PLEKHF1: variants seen among roughly 807,000 people sequenced by gnomAD.
PLEKHF1 encodes pleckstrin homology domain-containing family F member 1.
A neutral mutation model predicts 4.1 loss-of-function variants in PLEKHF1; 1 was observed. That is an observed-to-expected ratio of 0.24 (90% CI 0.09 to 1.15). The LOEUF (loss-of-function observed/expected upper bound fraction) is 1.15. Ranked by LOEUF, PLEKHF1 falls within the 50% of genes most tolerant of loss-of-function variation. PLEKHF1 has a pLI of 0.52. For synonymous variants in PLEKHF1, 182 were observed against 178.5 expected, an observed-to-expected ratio of 1.02 and a Z score of -0.16; for missense variants, 429 against 400.6, an observed-to-expected ratio of 1.07 and a Z score of -0.60.
chr19:29,668,625 C>T (rs913709215), intron 1 of PLEKHF1, among the ~76,000 whole-genome samples: 3 of 150,938 alleles, frequency 2.0e-5, no homozygotes, highest in South Asian at 2.1e-4. Context: ...GAGGCTGAGG[C>T]GGGAGGCTTT....
At chr19:29,670,051 C>T (rs1655187982) in intron 1 of PLEKHF1, among the ~76,000 whole-genome samples, 1 of 152,168 alleles carries the variant, frequency 6.6e-6, no homozygotes, top group Admixed American at 6.5e-5. Flanking sequence ...CCTGCCTCAG[C>T]CTCCTCAGTA....
Position 29,674,747 on chromosome 19 carries a change from A to G in PLEKHF1, c.*68A>G. 6.7e-7 allele frequency: 1 copy of G among 1,503,482 alleles called. No individual in the cohort carries two copies. The highest frequency in any genetic ancestry group is 8.9e-7 in the Non-Finnish European group (1 of 1,126,780). 93.1% of individuals were successfully genotyped at this position (1,503,482 alleles called of 1,614,324 possible). ...CCCAGGCCCCCAAGAGGGCAGCTCC[A>G]GAAGCTGCCCAGGGCTCCGGGACCC... is the stretch of plus-strand genomic sequence containing the variant. On this transcript the variant is annotated 3_prime_UTR_variant, in exon 2 of 2. Coordinates refer to ENST00000436066, the MANE Select transcript of PLEKHF1 (RefSeq NM_024310.5).
rs59150605 is a variant in PLEKHF1, at chr19:29,671,344, C to A, written c.-16-2480C>A. ...TATGTAATTCCTGCATAAGTGGTGT[C>A]ACTTTACATACAACATTCTACAGGC... On this transcript the variant is annotated intron_variant, in intron 1 of 1. Coordinates refer to ENST00000436066, the MANE Select transcript of PLEKHF1 (RefSeq NM_024310.5). This position sits in a 1 kb window ranked among gnomAD's most constrained non-coding sequence, Gnocchi z 4.0. Among the ~76,000 whole-genome samples the A allele has an allele frequency of 0.013, 1,991 of 152,282 alleles. 71 individuals carry two copies. Among genetic ancestry groups the A allele is most frequent in the East Asian group, 0.098 (508 of 5,188 alleles).
intron 1 of PLEKHF1, among the ~76,000 whole-genome samples, chr19:29,669,697 G>A (rs958280838): frequency 2.6e-5 from 4 of 152,050 alleles, no homozygotes; most frequent in African/African-American, 7.2e-5. Flanking sequence ...GCAGATATTC[G>A]GATTTCATCG....
At position 29,671,215 on chromosome 19, in the gene PLEKHF1, T is replaced by G. The variant is rs1174903908; in HGVS notation, c.-16-2609T>G. ...CCTGGGTTCAAGCGATTCTCCTGCC[T>G]CCGCCTCCCGAGTAGCTGGAATTAC... On this transcript the variant is annotated intron_variant, in intron 1 of 1. Coordinates refer to ENST00000436066, the MANE Select transcript of PLEKHF1 (RefSeq NM_024310.5). The surrounding 1 kb of genome is among the most constrained non-coding windows in gnomAD (Gnocchi z 4.0). Among the ~76,000 whole-genome samples, 1 of 151,988 alleles carries G rather than the reference T, an allele frequency of 6.6e-6. No homozygotes were observed. Among genetic ancestry groups the G allele is most frequent in the African/African-American group, 2.4e-5 (1 of 41,366 alleles).
rs151057741 is a variant in PLEKHF1, at chr19:29,674,227, G to A, written c.388G>A (p.Val130Met). The change falls in exon 2 of 2, where the codon GTG becomes ATG. Residue 130 changes from valine to methionine, a missense_variant. Transcript: ENST00000436066. ...QEWISHIEEC[V>M]RRQLRATGRP... ...ATGGATTAGCCACATCGAGGAGTGCGTGCGGCGGCAACTGAGGGCCACGGG... is the reference window on the plus strand; with the variant it reads ...ATGGATTAGCCACATCGAGGAGTGCATGCGGCGGCAACTGAGGGCCACGGG... 7 of 1,611,692 alleles carry A rather than the reference G, an allele frequency of 4.3e-6. No individual in the cohort carries two copies. In the South Asian group the frequency reaches 4.4e-5, roughly 10 times the overall value.
rs1407450088 is a variant in PLEKHF1, at chr19:29,673,867, A to C, written c.28A>C (p.Ile10Leu). 6.2e-7 allele frequency: 1 copy of C among 1,605,798 alleles called. No individual in the cohort carries two copies. The highest frequency in any genetic ancestry group is 1.1e-5 in the South Asian group (1 of 90,492). ...GGTGGACCACTTGGCCAACACGGAG[A>C]TCAACAGCCAGCGCATCGCGGCAGT... MVDHLANTE[I>L]NSQRIAAVES... The change falls in exon 2 of 2, where the codon ATC (isoleucine) becomes CTC (leucine). Residue 10 changes from isoleucine (I) to leucine (L), a missense_variant. Physicochemically the swap from Ile to Leu is conservative, Grantham distance 5. Coordinates refer to ENST00000436066, the MANE Select transcript of PLEKHF1 (RefSeq NM_024310.5).
rs1568311584 is a variant in PLEKHF1 at position 29,674,219 on chromosome 19, AG to A, written c.382del (p.Glu128SerfsTer7). On this transcript the variant is annotated frameshift_variant, in exon 2 of 2. Coordinates refer to ENST00000436066, the MANE Select transcript of PLEKHF1 (RefSeq NM_024310.5). LOFTEE classifies it low-confidence loss of function (END_TRUNC). ...CGCCAGGAATGGATTAGCCACATCG[AG>A]GAGTGCGTGCGGCGGCAACTGAGGG... is the stretch of plus-strand genomic sequence containing the variant. ...TERQEWISHI[E>X]ECVRRQLRAT... 6.2e-7 allele frequency: 1 copy of A among 1,612,476 alleles called. No individual in the cohort carries two copies. The highest frequency in any genetic ancestry group is 1.7e-5 in the Admixed American group (1 of 60,016).
chr19:29,668,226 G>A (rs1457004085), intron 1 of PLEKHF1, among the ~76,000 whole-genome samples: 1 of 152,198 alleles, frequency 6.6e-6, no homozygotes, highest in Non-Finnish European at 1.5e-5. Context: ...CTGCGCTGGG[G>A]TCACCCCTCT....
intron 1 of PLEKHF1, among the ~76,000 whole-genome samples, chr19:29,669,632 C>A (rs1971607747): frequency 6.6e-6 from 1 of 152,218 alleles, no homozygotes. Context: ...AATTCTTTTC[C>A]TTTTGAAGAC....
Position 29,674,772 on chromosome 19 carries a change from C to G in PLEKHF1, c.*93C>G. 6.8e-7 allele frequency: 1 copy of G among 1,470,388 alleles called. No individual in the cohort carries two copies. The highest frequency in any genetic ancestry group is 9.0e-7 in the Non-Finnish European group (1 of 1,110,206). The allele number at this position is 1,470,388 out of a possible 1,614,324, so 91.1% of individuals were successfully genotyped here. A position where few individuals can be genotyped will look rare whatever the true frequency, so the allele number is the denominator to read the frequency against. On this transcript the variant is annotated 3_prime_UTR_variant, in exon 2 of 2. Transcript: ENST00000436066. ...AGAAGCTGCCCAGGGCTCCGGGACC[C>G]CATCCCATGGTGGCAGGTGCAGCGG...
In PLEKHF1 at chr19:29,675,398, G is replaced by C; in HGVS notation, c.*719G>C. On this transcript the variant is annotated 3_prime_UTR_variant, in exon 2 of 2. Coordinates refer to ENST00000436066, the MANE Select transcript of PLEKHF1 (RefSeq NM_024310.5). ...CAGCGAAACCATTGTTTTCTGTTAG[G>C]ACTCAGTTGCAAGAACAGAAACCCT... The C allele has an allele frequency of 6.0e-6, 1 of 167,192 alleles. No individual in the cohort carries two copies. The allele number at this position is 167,192 out of a possible 1,614,324, so 10.4% of individuals were successfully genotyped here.
intron 1 of PLEKHF1, chr19:29,665,741 T>A: frequency 1.9e-6 from 2 of 1,077,786 alleles, no homozygotes; most frequent in Non-Finnish European, 2.3e-6. Flanking sequence ...CGGTCAGGGG[T>A]CAGAGCGTCC....
intron 1 of PLEKHF1, among the ~76,000 whole-genome samples, chr19:29,669,701 T>A (rs1971608573): frequency 6.6e-6 from 1 of 152,220 alleles, no homozygotes; most frequent in Admixed American, 6.5e-5. Context: ...ATATTCGGAT[T>A]TCATCGTGTT....
Position 29,669,446 on chromosome 19 carries a change from C to G in PLEKHF1, c.-17+3941C>G, listed in dbSNP as rs180783271. ...AGTGGCCTGACTTCTCAGCACACAG[C>G]TGGGCTGGGGGCACACGTGGCCTTG... On this transcript the variant is annotated intron_variant, in intron 1 of 1. Transcript: ENST00000436066. Among the ~76,000 whole-genome samples the G allele has an allele frequency of 5.4e-3, 825 of 152,362 alleles. 10 individuals are homozygous for G. The highest frequency in any genetic ancestry group is 0.019 in the African/African-American group (773 of 41,580).
chr19:29,672,721 G>A (rs1971644941), intron 1 of PLEKHF1, among the ~76,000 whole-genome samples: 1 of 152,166 alleles, frequency 6.6e-6, no homozygotes, highest in Non-Finnish European at 1.5e-5. Context: ...AGGAAGAGGT[G>A]CAGGTCTGCG....
At chr19:29,672,881 G>A (rs1420176244) in intron 1 of PLEKHF1, among the ~76,000 whole-genome samples, 1 of 152,158 alleles carries the variant, frequency 6.6e-6, no homozygotes, top group African/African-American at 2.4e-5. Context: ...TCAAGGTCGT[G>A]AGTCTGGTGG....
Position 29,671,486 on chromosome 19 carries a change from T to C in PLEKHF1, c.-16-2338T>C, listed in dbSNP as rs948041067. Among the ~76,000 whole-genome samples, 1 of 152,186 alleles carries C rather than the reference T, an allele frequency of 6.6e-6. No individual in the cohort carries two copies. The highest frequency in any genetic ancestry group is 1.5e-5 in the Non-Finnish European group (1 of 68,028). On this transcript the variant is annotated intron_variant, in intron 1 of 1. Coordinates refer to ENST00000436066, the MANE Select transcript of PLEKHF1 (RefSeq NM_024310.5). This position sits in a 1 kb window ranked among gnomAD's most constrained non-coding sequence, Gnocchi z 4.0. The stretch of plus-strand genomic sequence containing the variant: ...TCCCTGCTGGTAGGCATTTTGGTTG[T>C]CTCTGCTGGGCAGTCATTGCTCTTT...
rs761703698 is a variant in PLEKHF1, at chr19:29,674,117, C to T, written c.278C>T (p.Thr93Met). 4 of 1,613,946 alleles carry T rather than the reference C, an allele frequency of 2.5e-6. No homozygotes were observed. The Admixed American group carries it at 5.0e-5, about 20-fold the overall frequency. The change falls in exon 2 of 2, where the codon ACG becomes ATG. Residue 93 changes from threonine to methionine, a missense_variant. Transcript: ENST00000436066. ...GTCACACTGGAGCTGTTGCCGGAGA[C>T]GCTGCAGGCCAAGAACCGCTGGATG... is the stretch of plus-strand genomic sequence containing the variant. ...EEVTLELLPE[T>M]LQAKNRWMIK...
Sources: gnomAD v4.1 joint callset for allele counts (sites outside exome capture counted in the v4.1 genomes callset) on GRCh38, gnomAD v4.1.1 for gene constraint, Gnocchi (gnomAD v3.1) non-coding constraint, MANE v1.5 for transcripts, NCBI Gene and HGNC (gene_info 2026-07-23, HGNC 2026-07-21) for gene names.